Variants in KANTR observed in about 807,000 individuals in gnomAD.
KANTR encodes KANTR integral membrane protein.
intron 2 of KANTR, among the ~76,000 whole-genome samples, chrX:53,112,456 G>C (rs1361148942): frequency 8.9e-6 from 1 of 111,805 alleles, no homozygotes; most frequent in Non-Finnish European, 1.9e-5. Flanking sequence ...TGTCTTTTTC[G>C]TATAATGACT....
intron 2 of KANTR, among the ~76,000 whole-genome samples, chrX:53,106,996 T>G (rs1048843962): frequency 9.1e-6 from 1 of 110,087 alleles, no homozygotes; most frequent in African/African-American, 3.4e-5. Context: ...AAGGTTAACT[T>G]CTGGACTCTT....
intron 2 of KANTR, among the ~76,000 whole-genome samples, chrX:53,112,635 C>G (rs1045974945): frequency 3.6e-5 from 4 of 110,696 alleles, no homozygotes. Context: ...TTATTTGCTT[C>G]TTTTCTCTTC....
At chrX:53,118,582 G>A (rs925295658) in intron 2 of KANTR, among the ~76,000 whole-genome samples, 7 of 109,776 alleles carry the variant, frequency 6.4e-5, no homozygotes, top group African/African-American at 1.7e-4. Flanking sequence ...GCAACATGAT[G>A]AAACCGCATC....
intron 1 of KANTR, among the ~76,000 whole-genome samples, chrX:53,095,595 T>C (rs1262212879): frequency 9.0e-6 from 1 of 110,506 alleles, no homozygotes; most frequent in Admixed American, 9.8e-5. Context: ...AAGAGTAATA[T>C]ATAATATTAT....
At chrX:53,139,948 A>G (rs1933479022) in intron 2 of KANTR, among the ~76,000 whole-genome samples, 2 of 112,863 alleles carry the variant, frequency 1.8e-5, no homozygotes, top group Admixed American at 1.9e-4. Flanking sequence ...GCCAAAGCAT[A>G]CAATAGTCAA....
At chrX:53,102,687 C>T (rs1296186700) in intron 2 of KANTR, among the ~76,000 whole-genome samples, 1 of 111,505 alleles carries the variant, frequency 9.0e-6, no homozygotes, top group Non-Finnish European at 1.9e-5. Flanking sequence ...ATATCAACAA[C>T]CTTGTTGTAA....
At chrX:53,145,977 T>G (rs1281519781), downstream of KANTR, among the ~76,000 whole-genome samples, 1 of 111,658 alleles carries the variant, frequency 9.0e-6, no homozygotes, top group Non-Finnish European at 1.9e-5. Flanking sequence ...AGAAAGGACA[T>G]CCACACCAAA....
chrX:53,128,280 CAG>C (rs1354846011), downstream of KANTR, among the ~76,000 whole-genome samples: 2 of 111,470 alleles, frequency 1.8e-5, no homozygotes, highest in Non-Finnish European at 3.8e-5. Flanking sequence ...ACTGAAGACA[CAG>C]AGATGAACGA....
At chrX:53,143,384 G>A (rs781990631), downstream of KANTR, 8 of 740,356 alleles carry the variant, frequency 1.1e-5, no homozygotes, top group African/African-American at 4.2e-5. Flanking sequence ...AGGTCCAGAC[G>A]CAGGATGGCG....
chrX:53,098,896 T>A (rs1932866988), intron 1 of KANTR, among the ~76,000 whole-genome samples: 1 of 110,954 alleles, frequency 9.0e-6, no homozygotes, highest in African/African-American at 3.3e-5. Context: ...CAGCCAATTT[T>A]TAAAATTTTG....
chrX:53,103,706 C>A (rs1218621663), intron 2 of KANTR, among the ~76,000 whole-genome samples: 1 of 111,928 alleles, frequency 8.9e-6, no homozygotes, highest in Non-Finnish European at 1.9e-5. Flanking sequence ...CCTGTCCTTA[C>A]ACTCAGGCTT....
intron 2 of KANTR, among the ~76,000 whole-genome samples, chrX:53,114,314 C>T (rs1556814254): frequency 2.7e-5 from 3 of 112,706 alleles, no homozygotes; most frequent in African/African-American, 9.6e-5. Context: ...CCAGAGTGCT[C>T]GGGATTATAG....
rs1380741160 is a variant in KANTR, at chrX:53,103,986, C to T, written c.-805+4378C>T. On this transcript the variant is annotated intron_variant, in intron 2 of 2. Transcript: ENST00000604062. ...CACACAGACATTCTATTACTTCTTC[C>T]ATCTTTTCGTTGCAACTTCATTGAG... Among the ~76,000 whole-genome samples the T allele has an allele frequency of 4.5e-5, 5 of 110,655 alleles. No homozygotes were observed. The Admixed American group carries it at 4.9e-4, about 11-fold the overall frequency.
chrX:53,101,805 G>A (rs1284098783), intron 2 of KANTR, among the ~76,000 whole-genome samples: 1 of 111,617 alleles, frequency 9.0e-6, no homozygotes, highest in Admixed American at 9.5e-5. Flanking sequence ...CAAGACCAGC[G>A]TGGGCAAGAT....
intron 2 of KANTR, among the ~76,000 whole-genome samples, chrX:53,104,046 T>A (rs1932917878): frequency 9.0e-6 from 1 of 110,911 alleles, no homozygotes; most frequent in Non-Finnish European, 1.9e-5. Flanking sequence ...CACCTTTTAT[T>A]TATTTATTTT....
chrX:53,119,388 A>G (rs1484903406), intron 2 of KANTR, among the ~76,000 whole-genome samples: 2 of 111,833 alleles, frequency 1.8e-5, no homozygotes, highest in Non-Finnish European at 3.8e-5. Flanking sequence ...TTTTCTTCCA[A>G]TAAAAGTTTT....
intron 2 of KANTR, among the ~76,000 whole-genome samples, chrX:53,104,877 A>G (rs991211431): frequency 7.3e-5 from 8 of 109,500 alleles, no homozygotes; most frequent in African/African-American, 2.7e-4. Flanking sequence ...TGGTGGCTCT[A>G]TGTTTAACTT....
downstream of KANTR, chrX:53,143,430 T>C (rs1933531421): frequency 3.3e-6 from 2 of 611,386 alleles, no homozygotes; most frequent in South Asian, 2.4e-5. Context: ...ATGGGTACCA[T>C]GTAGGTGGCC....
intron 2 of KANTR, among the ~76,000 whole-genome samples, chrX:53,123,014 T>C (rs782559494): frequency 8.9e-6 from 1 of 112,260 alleles, no homozygotes; most frequent in East Asian, 2.8e-4. Flanking sequence ...GTAGAACTTC[T>C]GCAAAACCAT....
Sources: gnomAD v4.1 joint callset for allele counts (sites outside exome capture counted in the v4.1 genomes callset) on GRCh38, gnomAD v4.1.1 for gene constraint, MANE v1.5 for transcripts, NCBI Gene and HGNC (gene_info 2026-07-23, HGNC 2026-07-21) for gene names.